WWC2: variants seen among roughly 807,000 people sequenced by gnomAD.
WWC2 encodes protein WWC2.
In WWC2, 101 loss-of-function variants were observed where a neutral mutation model predicts 138.5. The observed-to-expected ratio is 0.73, with a 90% CI of 0.62 to 0.86. The LOEUF is 0.86. Ranked by LOEUF, WWC2 falls within the 40% of genes least tolerant of loss-of-function variation. WWC2 has a pLI of 0.00. For missense variants in WWC2, 1,420 were observed against 1,419.4 expected (o/e 1.00, Z -0.01); for synonymous variants, 558 against 538.4 (o/e 1.04, Z -0.50).
At chr4:183,249,110 C>G (rs1201976971) in intron 7 of WWC2, among the ~76,000 whole-genome samples, 2 of 152,080 alleles carry the variant, frequency 1.3e-5, no homozygotes, top group Non-Finnish European at 2.9e-5. Flanking sequence ...CCTTTAGAGA[C>G]ACGCTGAAAG....
chr4:183,243,381 T>C (rs571172041), intron 5 of WWC2, among the ~76,000 whole-genome samples: 2 of 152,342 alleles, frequency 1.3e-5, no homozygotes, highest in South Asian at 4.1e-4. Flanking sequence ...AAGTGCTACA[T>C]TTGAAAATGC....
intron 4 of WWC2, chr4:183,233,576 TTTG>T (rs1736325250): frequency 6.6e-6 from 1 of 152,188 alleles, no homozygotes; most frequent in African/African-American, 2.4e-5. Context: ...CTCATTGGCT[TTTG>T]TTTTATTTCC....
intron 4 of WWC2, among the ~76,000 whole-genome samples, chr4:183,227,657 A>C (rs1736111026): frequency 6.6e-6 from 1 of 152,106 alleles, no homozygotes; most frequent in Non-Finnish European, 1.5e-5. Flanking sequence ...ATGAATTAAA[A>C]ATCAAAGCTG....
intron 1 of WWC2, among the ~76,000 whole-genome samples, chr4:183,123,402 G>GGTGTGTGT (rs67158904): frequency 0.058 from 8,631 of 147,604 alleles, 312 homozygotes; most frequent in East Asian, 0.095. Flanking sequence ...GCAAGTTTCA[G>GGTGTGTGT]GTGTGTGTGT....
intron 21 of WWC2, among the ~76,000 whole-genome samples, chr4:183,307,535 C>G (rs1739062988): frequency 1.3e-5 from 2 of 152,294 alleles, no homozygotes; most frequent in South Asian, 2.1e-4. Flanking sequence ...ATGCAGAAAT[C>G]TTTAACAAAA....
intron 1 of WWC2, among the ~76,000 whole-genome samples, chr4:183,170,740 C>G (rs1049546632): frequency 1.3e-5 from 2 of 152,044 alleles, no homozygotes; most frequent in Non-Finnish European, 2.9e-5. Flanking sequence ...CTCTGCCAGC[C>G]AGACTGGAGT....
intron 20 of WWC2, among the ~76,000 whole-genome samples, chr4:183,287,182 G>A (rs1014586126): frequency 2.0e-5 from 3 of 152,206 alleles, no homozygotes; most frequent in South Asian, 2.1e-4. Flanking sequence ...AGCAGTGGGC[G>A]CCCCTGGTTT....
intron 5 of WWC2, among the ~76,000 whole-genome samples, chr4:183,244,303 A>G (rs575296079): frequency 6.0e-4 from 91 of 152,288 alleles, no homozygotes; most frequent in Admixed American, 1.5e-3. Context: ...CTATTTTTTT[A>G]AAAGAATTAG....
rs768239624 is a variant in WWC2 at position 183,289,518 on chromosome 4, G to A, written c.3267G>A (p.Ala1089=). 4.5e-5 allele frequency: 73 copies of A among 1,613,846 alleles called. No individual in the cohort carries two copies. The highest frequency in any genetic ancestry group is 1.6e-4 in the Middle Eastern group (1 of 6,084). ...RQSRLNDELQ[A]LRDLRQKLEE... ...GCCGCCTCAATGATGAGCTGCAGGC[G>A]CTGAGGGACTTGCGGCAGAAGCTGG... The change falls in exon 21 of 23, where the codon GCG becomes GCA. Residue 1089 remains alanine (A), a synonymous_variant. Coordinates refer to ENST00000403733, the MANE Select transcript of WWC2 (RefSeq NM_024949.6).
rs773982486 is a variant in WWC2 at position 183,261,234 on chromosome 4, T to G, written c.1611T>G (p.Ala537=). The G allele has an allele frequency of 1.9e-6, 3 of 1,612,782 alleles. No homozygotes were observed. In the African/African-American group the frequency reaches 4.0e-5, roughly 22 times the overall value. ...AAATGHTPPL[A]EAPKSVASLS... is the part of the protein sequence containing the mutation. ...CAACAGGCCACACTCCTCCACTGGC[T>G]GAGGCCCCGAAGTCTGTGGCCTCCC... The change falls in exon 11 of 23, where the codon GCT becomes GCG. Residue 537 remains alanine, a synonymous_variant. Transcript: ENST00000403733.
chr4:183,279,672 C>T (rs565404981), intron 16 of WWC2, among the ~76,000 whole-genome samples: 3,141 of 152,034 alleles, frequency 0.021, 109 homozygotes, highest in African/African-American at 0.072. Flanking sequence ...TTGGTCTATT[C>T]AGAGATTCAA....
At chr4:183,166,262 G>A (rs929676641) in intron 1 of WWC2, among the ~76,000 whole-genome samples, 5 of 151,966 alleles carry the variant, frequency 3.3e-5, no homozygotes, top group Admixed American at 6.6e-5. Context: ...TAAGGCATTT[G>A]GGGTATTTGT....
chr4:183,200,713 CA>C, intron 2 of WWC2, among the ~76,000 whole-genome samples: 1 of 152,274 alleles, frequency 6.6e-6, no homozygotes, highest in South Asian at 2.1e-4. Flanking sequence ...CATTCCATGC[CA>C]CGTGGGCCTC....
intron 1 of WWC2, among the ~76,000 whole-genome samples, chr4:183,155,029 C>T (rs1356763259): frequency 1.3e-5 from 2 of 152,168 alleles, no homozygotes; most frequent in Admixed American, 6.5e-5. Context: ...ACCTGCAAAG[C>T]AGGAGCAATA....
intron 1 of WWC2, among the ~76,000 whole-genome samples, chr4:183,126,294 T>C (rs1732755354): frequency 6.6e-6 from 1 of 152,244 alleles, no homozygotes; most frequent in African/African-American, 2.4e-5. Context: ...AGTGTTTCTC[T>C]TCCTGGATTG....
intron 1 of WWC2, among the ~76,000 whole-genome samples, chr4:183,136,570 C>T (rs1393686032): frequency 6.6e-6 from 1 of 152,118 alleles, no homozygotes; most frequent in Admixed American, 6.5e-5. Context: ...GATGGGGATA[C>T]GTTCCGAGAA....
At chr4:183,151,797 A>G (rs1733642127) in intron 1 of WWC2, among the ~76,000 whole-genome samples, 1 of 152,184 alleles carries the variant, frequency 6.6e-6, no homozygotes, top group African/African-American at 2.4e-5. Flanking sequence ...TAAATAGGGA[A>G]TCCTTTCAAC....
Position 183,207,962 on chromosome 4 carries a change from A to G in WWC2, c.251A>G (p.Gln84Arg). ...YYIDHINKTT[Q>R]IEDPRKQWRG... ...CACCTAATGTTTTCAGAAACCACGC[A>G]GATAGAAGATCCAAGAAAACAATGG... Residue 84 changes from glutamine to arginine, a missense_variant, in exon 3 of 23, where the codon CAG becomes CGG. Transcript: ENST00000403733. 6.2e-7 allele frequency: 1 copy of G among 1,608,248 alleles called. No homozygotes were observed. The highest frequency in any genetic ancestry group is 8.5e-7 in the Non-Finnish European group (1 of 1,177,132).
intron 21 of WWC2, among the ~76,000 whole-genome samples, chr4:183,290,895 G>A (rs1225356088): frequency 1.3e-5 from 2 of 152,212 alleles, no homozygotes; most frequent in East Asian, 3.8e-4. Context: ...GAATCGTCCA[G>A]CTGACTGGAA....
Sources: gnomAD v4.1 joint callset for allele counts (sites outside exome capture counted in the v4.1 genomes callset) on GRCh38, gnomAD v4.1.1 for gene constraint, MANE v1.5 for transcripts, NCBI Gene and HGNC (gene_info 2026-07-23, HGNC 2026-07-21) for gene names.